Variants in RBFOX1 observed in about 807,000 individuals in gnomAD.
The protein encoded by RBFOX1 is RNA binding protein fox-1 homolog 1.
In RBFOX1, 8 loss-of-function variants were observed where a neutral mutation model predicts 57.7. The ratio of observed to expected loss-of-function variants is 0.14; its 90% CI spans 0.08 to 0.25. The LOEUF is 0.25. RBFOX1 is among the 10% of genes least tolerant of loss of function. RBFOX1 has a pLI of 1.00. For synonymous variants in RBFOX1, 326 were observed against 222.4 expected (o/e 1.47, Z -4.15); for missense variants, 611 against 548.5 (o/e 1.11, Z -1.14).
chr16:5,531,056 T>C (rs1597417403), intron 2 of RBFOX1, among the ~76,000 whole-genome samples: 1 of 138,870 alleles, frequency 7.2e-6, no homozygotes, highest in East Asian at 2.1e-4. Flanking sequence ...GCCAGGGAGG[T>C]GGAGCTTGCA....
intron 3 of RBFOX1, among the ~76,000 whole-genome samples, chr16:6,683,646 T>C (rs1267227793): frequency 6.6e-6 from 1 of 152,184 alleles, no homozygotes; most frequent in East Asian, 1.9e-4. Flanking sequence ...ATAGACCAAA[T>C]GGCTCATACC....
rs1235047786 is a variant in RBFOX1 at position 7,460,389 on chromosome 16, A to ATGTGTGTG, written c.28-57736_28-57729dup. 6.7e-4 allele frequency among the ~76,000 whole-genome samples: 58 copies of ATGTGTGTG among 87,014 alleles called. 1 individual carries two copies. Among genetic ancestry groups the ATGTGTGTG allele is most frequent in the African/African-American group, 1.6e-3 (24 of 15,338 alleles). 57.1% of individuals were successfully genotyped at this position (87,014 alleles called of 152,430 possible). On this transcript the variant is annotated intron_variant, in intron 4 of 15. Coordinates refer to ENST00000550418, the MANE Select transcript of RBFOX1 (RefSeq NM_018723.4). ...TAGCAAAATATATATATATATATAT[A>ATGTGTGTG]TGTGTGTGTGTGTGTGTGTGTGTGT...
intron 4 of RBFOX1, among the ~76,000 whole-genome samples, chr16:7,261,455 T>C (rs540556138): frequency 6.6e-6 from 1 of 152,242 alleles, no homozygotes; most frequent in African/African-American, 2.4e-5. Context: ...TGGATGCTTG[T>C]TGAGTAAGTG....
At chr16:7,464,202 C>T (rs2060076373) in intron 4 of RBFOX1, among the ~76,000 whole-genome samples, 1 of 152,152 alleles carries the variant, frequency 6.6e-6, no homozygotes, top group Non-Finnish European at 1.5e-5. Flanking sequence ...ATGTGTTTTG[C>T]TCAATGATTG....
intron 2 of RBFOX1, among the ~76,000 whole-genome samples, chr16:6,526,460 C>G (rs74005257): frequency 0.029 from 4,349 of 152,238 alleles, 177 homozygotes; most frequent in African/African-American, 0.097. Flanking sequence ...GGCGGTCATT[C>G]ATGCTACAGC....
chr16:7,249,341 G>A (rs1270400429), intron 4 of RBFOX1, among the ~76,000 whole-genome samples: 1 of 152,088 alleles, frequency 6.6e-6, no homozygotes, highest in Non-Finnish European at 1.5e-5. Context: ...GATAGGAGGA[G>A]CCTGGAGGAC....
At chr16:5,571,104 C>T (rs11639984) in intron 2 of RBFOX1, among the ~76,000 whole-genome samples, 67,423 of 151,762 alleles carry the variant, frequency 0.44, 15,143 homozygotes, top group East Asian at 0.53. Context: ...CCTGATCACT[C>T]CCCCAGCCCT....
intron 4 of RBFOX1, among the ~76,000 whole-genome samples, chr16:7,505,068 G>C (rs1014766051): frequency 1.3e-5 from 2 of 151,222 alleles, no homozygotes; most frequent in Non-Finnish European, 2.9e-5. Context: ...TCAGTGCCCC[G>C]AGGTGCTGAG....
chr16:6,234,475 C>G (rs1032571461), intron 1 of RBFOX1, among the ~76,000 whole-genome samples: 1 of 152,142 alleles, frequency 6.6e-6, no homozygotes, highest in East Asian at 1.9e-4. Flanking sequence ...TGTCTCATAA[C>G]CAGCAGCATT....
At chr16:6,066,611 G>A (rs1354410929) in intron 1 of RBFOX1, among the ~76,000 whole-genome samples, 1 of 152,118 alleles carries the variant, frequency 6.6e-6, no homozygotes, top group African/African-American at 2.4e-5. Flanking sequence ...TTTGACAGCA[G>A]GAACTCATTA....
At chr16:7,520,233 G>C (rs1483202716) in intron 5 of RBFOX1, among the ~76,000 whole-genome samples, 5 of 152,114 alleles carry the variant, frequency 3.3e-5, no homozygotes, top group Non-Finnish European at 4.4e-5. Flanking sequence ...GAAATTTTTA[G>C]TTGCCTTCCT....
Position 6,181,800 on chromosome 16 carries a change from T to G in RBFOX1, c.-126-135195T>G, listed in dbSNP as rs9924211. 4.8e-3 allele frequency among the ~76,000 whole-genome samples: 732 copies of G among 152,274 alleles called. 5 individuals are homozygous for G. The highest frequency in any genetic ancestry group is 0.016 in the African/African-American group (663 of 41,560). On this transcript the variant is annotated intron_variant, in intron 1 of 15. Coordinates refer to ENST00000550418, the MANE Select transcript of RBFOX1 (RefSeq NM_018723.4). Reference sequence around the variant, plus strand: ...CAGTTGACCCACAAAATCTCAGTGATGCCGTATAATTAAGATGTATTTCTT... The same window carrying G: ...CAGTTGACCCACAAAATCTCAGTGAGGCCGTATAATTAAGATGTATTTCTT...
Position 7,224,445 on chromosome 16 carries a change from C to T in RBFOX1, c.27+172347C>T, listed in dbSNP as rs540267711. ...TATAATGCCCCATACCAAGCATCAC[C>T]AGCCCAGTGCTTCTCAGTCTTGGCT... On this transcript the variant is annotated intron_variant, in intron 4 of 15. Transcript: ENST00000550418. 2.0e-5 allele frequency among the ~76,000 whole-genome samples: 3 copies of T among 152,302 alleles called. No homozygotes were observed. The East Asian group carries it at 5.8e-4, about 29-fold the overall frequency.
intron 2 of RBFOX1, among the ~76,000 whole-genome samples, chr16:6,572,276 G>T (rs989114724): frequency 2.6e-5 from 4 of 152,108 alleles, no homozygotes; most frequent in Non-Finnish European, 5.9e-5. Context: ...AGGACATAGA[G>T]AATAAACCCA....
At chr16:6,399,844 A>G (rs1253336257) in intron 2 of RBFOX1, among the ~76,000 whole-genome samples, 3 of 152,218 alleles carry the variant, frequency 2.0e-5, no homozygotes, top group Admixed American at 1.3e-4. Flanking sequence ...GTCATCATGG[A>G]AGACACCTCT....
At chr16:7,108,692 G>A (rs2151519576) in intron 4 of RBFOX1, among the ~76,000 whole-genome samples, 1 of 152,262 alleles carries the variant, frequency 6.6e-6, no homozygotes, top group African/African-American at 2.4e-5. Flanking sequence ...ATCCACCACA[G>A]TTAAAAGTGT....
chr16:5,605,565 A>G (rs1596414506), intron 3 of RBFOX1, among the ~76,000 whole-genome samples: 1 of 151,152 alleles, frequency 6.6e-6, no homozygotes, highest in South Asian at 2.1e-4. Context: ...AATGTCTGCC[A>G]TGGGTCTGGG....
intron 2 of RBFOX1, among the ~76,000 whole-genome samples, chr16:6,632,494 C>A (rs947654790): frequency 1.3e-5 from 2 of 152,200 alleles, no homozygotes; most frequent in African/African-American, 4.8e-5. Context: ...GTGTCTGTGG[C>A]TGTTATCCAT....
At chr16:7,444,540 C>A (rs371420373) in intron 4 of RBFOX1, among the ~76,000 whole-genome samples, 4 of 151,944 alleles carry the variant, frequency 2.6e-5, no homozygotes. Flanking sequence ...GCTTGGGTAG[C>A]CTTTTTTTTT....
Sources: gnomAD v4.1 joint callset for allele counts (sites outside exome capture counted in the v4.1 genomes callset) on GRCh38, gnomAD v4.1.1 for gene constraint, MANE v1.5 for transcripts, NCBI Gene and HGNC (gene_info 2026-07-23, HGNC 2026-07-21) for gene names.